Variants in ZNF341 observed in about 807,000 individuals in gnomAD.
ZNF341 encodes zinc finger protein 341.
Under a neutral mutation model 87.7 loss-of-function variants are expected in ZNF341, and 52 were observed. That is an observed-to-expected ratio of 0.59 (90% CI 0.47 to 0.75). The LOEUF is 0.75. Among genes scored for constraint, ZNF341 ranks in the 30% least tolerant of loss-of-function variants. The pLI is 0.00. For missense variants in ZNF341, 977 were observed against 1,145.9 expected (o/e 0.85, Z 2.13); for synonymous variants, 459 against 472.7 (o/e 0.97, Z 0.38).
At chr20:33,748,897 C>T (rs1348966361) in intron 3 of ZNF341, 26 bp from the exon 4 acceptor site, 1 of 1,596,026 alleles carries the variant, frequency 6.3e-7, no homozygotes, top group East Asian at 2.2e-5. Context: ...CTCCGTCTCA[C>T]TCATTCTCTC....
chr20:33,781,205 C>T lies in ZNF341; in HGVS notation c.1623-86C>T. On this transcript the variant is annotated intron_variant, in intron 10 of 14. Coordinates refer to ENST00000375200, the MANE Select transcript of ZNF341 (RefSeq NM_001282933.2). ...ATGAATTAACTGTAGGATGTTGCCT[C>T]CTAATGTTGGCCCTGGGGTGGCCGG... 4 of 932,616 alleles carry T rather than the reference C, an allele frequency of 4.3e-6. No individual in the cohort carries two copies. The South Asian group carries it at 5.3e-5, about 12-fold the overall frequency. The allele number at this position is 932,616 out of a possible 1,614,324, so 57.8% of individuals were successfully genotyped here.
chr20:33,752,486 C>T, intron 4 of ZNF341: 1 of 523,460 alleles, frequency 1.9e-6, no homozygotes, highest in Non-Finnish European at 3.7e-6. Flanking sequence ...CAGGTCACCA[C>T]CTCATTGATG....
Position 33,758,816 on chromosome 20 carries a change from C to T in ZNF341, c.1028+10C>T, listed in dbSNP as rs371583936. On this transcript the variant is annotated intron_variant, in intron 7 of 14. Coordinates refer to ENST00000375200, the MANE Select transcript of ZNF341 (RefSeq NM_001282933.2). The stretch of plus-strand genomic sequence containing the variant: ...AGCAGCACATCCGAAGGTACACATG[C>T]GTGGTGAGGCAGGTGGCTCCTGGGC... 396 of 1,612,694 alleles carry T rather than the reference C, an allele frequency of 2.5e-4. 1 individual carries two copies. The highest frequency in any genetic ancestry group is 9.9e-4 in the Middle Eastern group (6 of 6,060).
intron 8 of ZNF341, among the ~76,000 whole-genome samples, chr20:33,765,077 C>T (rs1048648554): frequency 3.9e-5 from 6 of 152,080 alleles, no homozygotes; most frequent in African/African-American, 1.4e-4. Flanking sequence ...ATCCTCTCAC[C>T]TCAGCCTCCC....
intron 8 of ZNF341, among the ~76,000 whole-genome samples, chr20:33,765,614 A>G (rs1601263510): frequency 6.6e-6 from 1 of 152,236 alleles, no homozygotes; most frequent in East Asian, 1.9e-4. Context: ...TCCTGGGTTC[A>G]AGGGATCCTC....
rs2020016487 is a variant in ZNF341 at position 33,791,192 on chromosome 20, C to T, written c.2240C>T (p.Pro747Leu). Residue 747 changes from proline to leucine, a missense_variant, in exon 15 of 15, where the codon CCC becomes CTC. Coordinates refer to ENST00000375200, the MANE Select transcript of ZNF341 (RefSeq NM_001282933.2). ...AAGGACCTGCAAACCCGGCGGCCCC[C>T]CCAGAGGAGGGCAGCCCCCCGCAGT... Reference protein sequence around the residue: ...KDKDLQTRRPPQRRAAPRSCG... With the variant: ...KDKDLQTRRPLQRRAAPRSCG... The T allele has an allele frequency of 1.2e-6, 2 of 1,612,884 alleles. No homozygotes were observed. Among genetic ancestry groups the T allele is most frequent in the African/African-American group, 1.3e-5 (1 of 74,946 alleles).
intron 1 of ZNF341, among the ~76,000 whole-genome samples, chr20:33,734,827 C>T (rs1457806194): frequency 6.6e-6 from 1 of 152,056 alleles, no homozygotes; most frequent in Non-Finnish European, 1.5e-5. Context: ...ACCTCAGCCT[C>T]CCGAGTAGCT....
At position 33,783,723 on chromosome 20, in the gene ZNF341, C is replaced by T. The variant is rs2019789298; in HGVS notation, c.1720-9C>T. 1.9e-6 allele frequency: 3 copies of T among 1,613,684 alleles called. No homozygotes were observed. Among genetic ancestry groups the T allele is most frequent in the African/African-American group, 1.3e-5 (1 of 74,854 alleles). On this transcript the variant is annotated splice_polypyrimidine_tract_variant and intron_variant, in intron 11 of 14. Transcript: ENST00000375200. ...TGAGTCAGACCTGAAGGCCCCTCTTCTCTCCCAGGTGTTTCCTTGTGAACG... is the reference window on the plus strand; with the variant it reads ...TGAGTCAGACCTGAAGGCCCCTCTTTTCTCCCAGGTGTTTCCTTGTGAACG...
chr20:33,789,450 A>C (rs1310892067), intron 13 of ZNF341, 68 bp from the exon 14 acceptor site: 2 of 1,519,880 alleles, frequency 1.3e-6, no homozygotes, highest in Admixed American at 3.4e-5. Context: ...GCCCAGGGCT[A>C]GTGGAGGGGC....
chr20:33,754,452 A>G (rs1357235936), intron 5 of ZNF341, among the ~76,000 whole-genome samples: 1 of 152,186 alleles, frequency 6.6e-6, no homozygotes, highest in East Asian at 1.9e-4. Context: ...CCTGTCAGGT[A>G]GTCTCTTTAT....
chr20:33,788,536 C>T, intron 12 of ZNF341: 2 of 382,688 alleles, frequency 5.2e-6, no homozygotes, highest in South Asian at 4.7e-5. Flanking sequence ...GCCACACCAG[C>T]CTCCCTGTTG....
intron 1 of ZNF341, 27 bp from the exon 2 acceptor site, chr20:33,740,875 C>T: frequency 6.2e-7 from 1 of 1,604,994 alleles, no homozygotes; most frequent in Non-Finnish European, 8.5e-7. Flanking sequence ...GGCCTACCTT[C>T]CAAAGAGGCT....
At chr20:33,771,670 C>T (rs2019536300) in intron 10 of ZNF341, among the ~76,000 whole-genome samples, 1 of 152,012 alleles carries the variant, frequency 6.6e-6, no homozygotes, top group Non-Finnish European at 1.5e-5. Flanking sequence ...GTCCCTTTGG[C>T]AGAAATGATG....
intron 6 of ZNF341, among the ~76,000 whole-genome samples, chr20:33,758,371 G>A (rs555371633): frequency 1.3e-5 from 2 of 152,324 alleles, no homozygotes; most frequent in South Asian, 2.1e-4. Context: ...TTTAAGGTTA[G>A]CAAGGTTAGC....
At chr20:33,764,543 GTATA>G (rs1171402724) in intron 8 of ZNF341, among the ~76,000 whole-genome samples, 51 of 69,338 alleles carry the variant, frequency 7.4e-4, no homozygotes, top group East Asian at 3.8e-3. Flanking sequence ...GTGTGTATGT[GTATA>G]TATATATATA....
chr20:33,786,027 C>CTTTTTTTTT (rs11478588), intron 12 of ZNF341, among the ~76,000 whole-genome samples: 1 of 68,682 alleles, frequency 1.5e-5, no homozygotes, highest in Non-Finnish European at 2.5e-5. Flanking sequence ...ATGTATGAAC[C>CTTTTTTTTT]TTTTTTTTTT....
At chr20:33,758,912 G>T in intron 7 of ZNF341, 106 bp downstream of exon 7, 2 of 947,868 alleles carry the variant, frequency 2.1e-6, no homozygotes, top group South Asian at 2.9e-5. Flanking sequence ...GGGTGACCCA[G>T]GCTGCACTTG....
At chr20:33,759,879 C>T (rs191077166) in intron 7 of ZNF341, among the ~76,000 whole-genome samples, 6 of 152,232 alleles carry the variant, frequency 3.9e-5, no homozygotes, top group South Asian at 2.1e-4. Flanking sequence ...CCACTACTGA[C>T]GTTTTGGATC....
At chr20:33,733,140 A>G (rs923911825) in intron 1 of ZNF341, among the ~76,000 whole-genome samples, 2 of 147,794 alleles carry the variant, frequency 1.4e-5, no homozygotes, top group Admixed American at 1.3e-4. Context: ...TCCCCCTCCC[A>G]GGTTTGAGCG....
Sources: gnomAD v4.1 joint callset for allele counts (sites outside exome capture counted in the v4.1 genomes callset) on GRCh38, gnomAD v4.1.1 for gene constraint, MANE v1.5 for transcripts, NCBI Gene and HGNC (gene_info 2026-07-23, HGNC 2026-07-21) for gene names.